The following SLC9A3 variants were observed in gnomAD, a reference collection of about 807,000 sequenced individuals.
The protein encoded by SLC9A3 is solute carrier family 9 member A3, also known as sodium/hydrogen exchanger 3.
SLC9A3 carries 37 observed loss-of-function variants against 86.8 expected under a neutral mutation model. The ratio of observed to expected loss-of-function variants is 0.43; its 90% CI spans 0.33 to 0.56. The LOEUF (loss-of-function observed/expected upper bound fraction) is 0.56, where lower values mean the gene tolerates loss of function less well. SLC9A3 is among the 20% of genes least tolerant of loss of function. The pLI is 0.06. For synonymous variants in SLC9A3, 581 were observed against 528.3 expected (o/e 1.10, Z -1.37); for missense variants, 1,011 against 1,171.9 (o/e 0.86, Z 2.00).
chr5:474,953 C>T lies in SLC9A3; in HGVS notation c.2431G>A (p.Val811Met), dbSNP rs1738618615. 1.2e-6 allele frequency: 2 copies of T among 1,608,944 alleles called. No individual in the cohort carries two copies. Among genetic ancestry groups the T allele is most frequent in the Non-Finnish European group, 1.7e-6 (2 of 1,178,376 alleles). Residue 811 changes from valine (V) to methionine (M), a missense_variant, in exon 16 of 17, where the codon GTG becomes ATG. Transcript: ENST00000264938. ...LMPFRLSSKS[V>M]DSFLQADGPE... Reference sequence around the variant, plus strand: ...CCGTCTGCCTGCAGGAAGGAGTCCACGGACTTGCTGCTGAGGCGGAAGGGC... The same window carrying T: ...CCGTCTGCCTGCAGGAAGGAGTCCATGGACTTGCTGCTGAGGCGGAAGGGC...
At chr5:477,746 G>C (rs747742727) in intron 10 of SLC9A3, 45 of 332,050 alleles carry the variant, frequency 1.4e-4, no homozygotes, top group Non-Finnish European at 2.1e-4. Context: ...TGGGACTTGG[G>C]ATGTGTCTGG....
intron 1 of SLC9A3, among the ~76,000 whole-genome samples, chr5:509,323 G>A (rs143900020): frequency 4.8e-4 from 73 of 151,580 alleles, no homozygotes; most frequent in Non-Finnish European, 8.4e-4. Context: ...GTACCGTGGC[G>A]CATGCCTGTA....
chr5:486,061 G>A (rs889031798), intron 3 of SLC9A3, among the ~76,000 whole-genome samples: 6 of 152,164 alleles, frequency 3.9e-5, no homozygotes, highest in African/African-American at 9.7e-5. Flanking sequence ...ATATCTTGCC[G>A]TCTGGTGTGC....
intron 1 of SLC9A3, among the ~76,000 whole-genome samples, chr5:519,557 C>T (rs1358780073): frequency 2.0e-5 from 3 of 152,220 alleles, no homozygotes; most frequent in African/African-American, 4.8e-5. Context: ...GGCAGTGTCA[C>T]ACCCCCAGTG....
chr5:486,779 G>C (rs571315104), intron 3 of SLC9A3, among the ~76,000 whole-genome samples: 92 of 152,316 alleles, frequency 6.0e-4, no homozygotes, highest in African/African-American at 2.1e-3. Flanking sequence ...TTCACGCAGG[G>C]ACGGCCACGT....
chr5:476,695 C>A, intron 11 of SLC9A3, 23 bp from the exon 12 acceptor site: 1 of 1,599,740 alleles, frequency 6.3e-7, no homozygotes, highest in Non-Finnish European at 8.5e-7. Context: ...CAGCGCTGAG[C>A]CATACAGGCT....
chr5:482,283 C>G, intron 7 of SLC9A3, 126 bp from the exon 8 acceptor site: 1 of 753,050 alleles, frequency 1.3e-6, no homozygotes, highest in South Asian at 1.7e-5. Flanking sequence ...CTCCGGGCAC[C>G]CAGCAACCCG....
intron 1 of SLC9A3, among the ~76,000 whole-genome samples, chr5:502,868 A>C (rs1222952827): frequency 8.9e-6 from 1 of 112,048 alleles, no homozygotes; most frequent in Non-Finnish European, 2.4e-5. Context: ...GCTGTGTTCC[A>C]GTGAAACTTT....
In SLC9A3 at chr5:497,319, G is replaced by C. The variant is rs1163924419; in HGVS notation, c.212-5248C>G. On this transcript the variant is annotated intron_variant, in intron 1 of 16. Coordinates refer to ENST00000264938, the MANE Select transcript of SLC9A3 (RefSeq NM_004174.4). This position sits in a 1 kb window ranked among gnomAD's most constrained non-coding sequence, Gnocchi z 5.4. ...CGAATTCCCTCCAGGTGCAGGAGTC[G>C]ACGCCCCCCACTGCCCTCGAAACCT... Among the ~76,000 whole-genome samples, 1 of 152,128 alleles carries C rather than the reference G, an allele frequency of 6.6e-6. No individual in the cohort carries two copies. Among genetic ancestry groups the C allele is most frequent in the Non-Finnish European group, 1.5e-5 (1 of 68,022 alleles).
Position 472,782 on chromosome 5 carries a change from G to A in SLC9A3, c.*597C>T, listed in dbSNP as rs1186867203. On this transcript the variant is annotated 3_prime_UTR_variant, in exon 17 of 17. Transcript: ENST00000264938. ...TGCAGGTCGGGCCCTGAGTCCTGGCGCTCGGGAGGTCCCTGAGTCGGTCCC... is the reference window on the plus strand; with the variant it reads ...TGCAGGTCGGGCCCTGAGTCCTGGCACTCGGGAGGTCCCTGAGTCGGTCCC... The A allele has an allele frequency of 1.4e-5, 8 of 582,936 alleles. No individual in the cohort carries two copies. Among genetic ancestry groups the A allele is most frequent in the Non-Finnish European group, 2.6e-5 (8 of 308,358 alleles). The allele number at this position is 582,936 out of a possible 1,614,324, so 36.1% of individuals were successfully genotyped here. A position where few individuals can be genotyped will look rare whatever the true frequency, so the allele number is the denominator to read the frequency against.
chr5:479,311 T>TG (rs2126611586), intron 10 of SLC9A3: 1 of 155,992 alleles, frequency 6.4e-6, no homozygotes, highest in African/African-American at 2.4e-5. Context: ...CGGGGCTGGG[T>TG]GGGGCGCCTG....
At position 484,830 on chromosome 5, in the gene SLC9A3, G is replaced by GC. The variant is rs879076851; in HGVS notation, c.755-134dup. ...GATCCCTCACTCTCTTGGAGATCGG[G>GC]CCTGGTCTCAGCACCAGCCTTGGTT... On this transcript the variant is annotated intron_variant, in intron 4 of 16. Coordinates refer to ENST00000264938, the MANE Select transcript of SLC9A3 (RefSeq NM_004174.4). The GC allele has an allele frequency of 7.3e-5, 62 of 847,396 alleles. 3 individuals are homozygous for GC. In the South Asian group the frequency reaches 9.6e-4, roughly 13 times the overall value. The allele number at this position is 847,396 out of a possible 1,614,324, so 52.5% of individuals were successfully genotyped here.
At chr5:522,746 AAAAAAAAAAG>A (rs1437201759) in intron 1 of SLC9A3, among the ~76,000 whole-genome samples, 4 of 151,930 alleles carry the variant, frequency 2.6e-5, no homozygotes, top group Non-Finnish European at 4.4e-5. Context: ...TCTCAAAAAA[AAAAAAAAAAG>A]AAAAAAAAAG....
intron 14 of SLC9A3, 112 bp from the exon 15 acceptor site, chr5:475,783 C>G: frequency 1.4e-6 from 1 of 725,324 alleles, no homozygotes; most frequent in Non-Finnish European, 2.4e-6. Flanking sequence ...TCGGGACCCA[C>G]AGAGAGGAGG....
At chr5:519,829 G>C (rs1458452599) in intron 1 of SLC9A3, among the ~76,000 whole-genome samples, 3 of 152,094 alleles carry the variant, frequency 2.0e-5, no homozygotes, top group Non-Finnish European at 4.4e-5. Flanking sequence ...CCGCTCAGAG[G>C]GGGGTGGGGG....
chr5:476,420 G>T, intron 12 of SLC9A3, 42 bp from the exon 13 acceptor site: 1 of 1,609,414 alleles, frequency 6.2e-7, no homozygotes, highest in African/African-American at 1.3e-5. Flanking sequence ...GCCCACCGCC[G>T]GACATTCTCG....
chr5:485,671 C>T (rs374222632), intron 3 of SLC9A3, among the ~76,000 whole-genome samples: 3 of 152,268 alleles, frequency 2.0e-5, no homozygotes, highest in East Asian at 1.9e-4. Flanking sequence ...ACCTTATCCA[C>T]GCCCTGGGCT....
chr5:484,716 T>C lies in SLC9A3; in HGVS notation c.755-19A>G, dbSNP rs755363186. 18 of 1,610,164 alleles carry C rather than the reference T, an allele frequency of 1.1e-5. No homozygotes were observed. The highest frequency in any genetic ancestry group is 1.5e-5 in the Non-Finnish European group (18 of 1,177,894). Reference sequence around the variant, plus strand: ...AAGGACACTGGGTAGAGGACGCCCTTTGTGGCCGTGCCGGCCTTCCGGGCC... The same window carrying C: ...AAGGACACTGGGTAGAGGACGCCCTCTGTGGCCGTGCCGGCCTTCCGGGCC... On this transcript the variant is annotated intron_variant, in intron 4 of 16. Transcript: ENST00000264938.
rs1484840276 is a variant in SLC9A3, at chr5:471,270, C to T, written c.*2109G>A. On this transcript the variant is annotated 3_prime_UTR_variant, in exon 17 of 17. Transcript: ENST00000264938. ...AACCGGGTGTCCAGGGAGGAGCGAT[C>T]GGGAGTGGCCAAGCAGTTGCCTGGA... 11 of 166,354 alleles carry T rather than the reference C, an allele frequency of 6.6e-5. No individual in the cohort carries two copies. Among genetic ancestry groups the T allele is most frequent in the Admixed American group, 3.3e-4 (6 of 18,054 alleles). 10.3% of individuals were successfully genotyped at this position (166,354 alleles called of 1,614,324 possible).
Sources: gnomAD v4.1 joint callset for allele counts (sites outside exome capture counted in the v4.1 genomes callset) on GRCh38, gnomAD v4.1.1 for gene constraint, Gnocchi (gnomAD v3.1) non-coding constraint, MANE v1.5 for transcripts, NCBI Gene and HGNC (gene_info 2026-07-23, HGNC 2026-07-21) for gene names.